The following RORA variants were observed in gnomAD, a reference collection of about 807,000 sequenced individuals.
RORA encodes the protein RAR related orphan receptor A.
A neutral mutation model predicts 69.5 loss-of-function variants in RORA; 7 were observed. That is an observed-to-expected ratio of 0.10 (90% CI 0.06 to 0.19). The LOEUF (loss-of-function observed/expected upper bound fraction) is 0.19. RORA is among the 10% of genes least tolerant of loss of function. The probability of loss-of-function intolerance (pLI) is 1.00; values close to 1 mark genes in which losing one functional copy is unlikely to be tolerated. For missense variants in RORA, 457 were observed against 663.0 expected, an observed-to-expected ratio of 0.69 and a Z score of 3.41; for synonymous variants, 261 against 240.8, an observed-to-expected ratio of 1.08 and a Z score of -0.78.
chr15:60,580,510 C>T (rs2068161137), intron 2 of RORA, among the ~76,000 whole-genome samples: 3 of 152,134 alleles, frequency 2.0e-5, no homozygotes, highest in Admixed American at 2.0e-4. Flanking sequence ...TAGAGTTGCC[C>T]ACACTGGTAT....
At chr15:61,067,715 C>G (rs2078283995) in intron 1 of RORA, among the ~76,000 whole-genome samples, 1 of 152,190 alleles carries the variant, frequency 6.6e-6, no homozygotes, top group Admixed American at 6.5e-5. Context: ...CATGCTGTCA[C>G]CCTCAAAATA....
At chr15:60,554,092 C>A (rs543906056) in intron 2 of RORA, among the ~76,000 whole-genome samples, 2 of 152,152 alleles carry the variant, frequency 1.3e-5, no homozygotes, top group African/African-American at 4.8e-5. Context: ...GTTTTTTCCT[C>A]TCTAACACTG....
At chr15:60,782,482 T>C (rs1386571211) in intron 1 of RORA, among the ~76,000 whole-genome samples, 1 of 152,156 alleles carries the variant, frequency 6.6e-6, no homozygotes, top group Non-Finnish European at 1.5e-5. Flanking sequence ...CCTTTCACGA[T>C]CTTTATTTTG....
At position 61,104,872 on chromosome 15, in the gene RORA, G is replaced by C. The variant is rs530358374; in HGVS notation, c.166+124181C>G. On this transcript the variant is annotated intron_variant, in intron 1 of 10. Coordinates refer to ENST00000335670, the MANE Select transcript of RORA (RefSeq NM_134261.3). ...GGGAGGTAATTGAATCATGGAGGCA[G>C]TTTCCCCCATACTGAACCATCTGAT... Among the ~76,000 whole-genome samples the C allele has an allele frequency of 3.3e-5, 5 of 152,238 alleles. No homozygotes were observed. In the East Asian group the frequency reaches 9.7e-4, roughly 29 times the overall value.
At chr15:60,714,146 C>G (rs984647682) in intron 1 of RORA, among the ~76,000 whole-genome samples, 2 of 151,902 alleles carry the variant, frequency 1.3e-5, no homozygotes, top group African/African-American at 4.8e-5. Flanking sequence ...CTCCGCCTCC[C>G]GGATTCAAGC....
chr15:61,174,786 T>A (rs2079613593), intron 1 of RORA, among the ~76,000 whole-genome samples: 1 of 152,098 alleles, frequency 6.6e-6, no homozygotes, highest in Admixed American at 6.5e-5. Context: ...CCAGCTAATG[T>A]TTATTGCATA....
intron 2 of RORA, among the ~76,000 whole-genome samples, chr15:60,664,292 G>A (rs751406127): frequency 6.6e-6 from 1 of 152,184 alleles, no homozygotes. Flanking sequence ...GAGGATGTGT[G>A]TGTGATAGTA....
At chr15:61,125,889 A>G (rs895345859) in intron 1 of RORA, among the ~76,000 whole-genome samples, 1 of 152,242 alleles carries the variant, frequency 6.6e-6, no homozygotes, top group Non-Finnish European at 1.5e-5. Flanking sequence ...ATTTCCTGTG[A>G]GCAGGATTGT....
At chr15:61,138,113 TG>T (rs1473260430) in intron 1 of RORA, among the ~76,000 whole-genome samples, 1 of 152,196 alleles carries the variant, frequency 6.6e-6, no homozygotes, top group East Asian at 1.9e-4. Context: ...TTCATTTTTA[TG>T]GTAAAAAACA....
chr15:60,725,969 T>C (rs1399627295), intron 1 of RORA, among the ~76,000 whole-genome samples: 1 of 152,100 alleles, frequency 6.6e-6, no homozygotes, highest in African/African-American at 2.4e-5. Flanking sequence ...GTAGTGGTGG[T>C]GGTTTGGGGG....
At chr15:60,561,096 T>G (rs1331076504) in intron 2 of RORA, among the ~76,000 whole-genome samples, 2 of 142,562 alleles carry the variant, frequency 1.4e-5, no homozygotes, top group African/African-American at 5.6e-5. Context: ...TTTTTTTTGT[T>G]TTTGAGACGG....
intron 1 of RORA, among the ~76,000 whole-genome samples, chr15:60,822,969 T>C (rs536544965): frequency 6.6e-6 from 1 of 151,894 alleles, no homozygotes; most frequent in South Asian, 2.1e-4. Flanking sequence ...TCTTTCTTTC[T>C]TTCCCATCTT....
intron 1 of RORA, among the ~76,000 whole-genome samples, chr15:61,033,901 CAA>C (rs35596498): frequency 2.4e-4 from 36 of 150,794 alleles, no homozygotes; most frequent in African/African-American, 7.5e-4. Context: ...GACCATGTCT[CAA>C]AAAAAAAAAT....
chr15:60,856,690 A>T (rs1366283502), intron 1 of RORA, among the ~76,000 whole-genome samples: 1 of 152,224 alleles, frequency 6.6e-6, no homozygotes, highest in Non-Finnish European at 1.5e-5. Flanking sequence ...TGGCAACTGC[A>T]TGTTTAATTC....
In RORA at chr15:60,946,414, C is replaced by T. The variant is rs546633158; in HGVS notation, c.167-267728G>A. 1.3e-3 allele frequency among the ~76,000 whole-genome samples: 194 copies of T among 152,318 alleles called. 1 individual carries two copies. The highest frequency in any genetic ancestry group is 2.4e-3 in the Non-Finnish European group (161 of 68,038). ...TGCCGAGTGCCTGCGATTGCAGGCG[C>T]GCGCCGCCACGCCTGACTGGTTTTC... On this transcript the variant is annotated intron_variant, in intron 1 of 10. Coordinates refer to ENST00000335670, the MANE Select transcript of RORA (RefSeq NM_134261.3).
intron 1 of RORA, among the ~76,000 whole-genome samples, chr15:60,935,667 C>T (rs1892499216): frequency 6.6e-6 from 1 of 152,192 alleles, no homozygotes; most frequent in Non-Finnish European, 1.5e-5. Context: ...GCTTAACCGG[C>T]CTTGAGGCCC....
intron 1 of RORA, among the ~76,000 whole-genome samples, chr15:61,197,707 C>T (rs2079857985): frequency 1.3e-5 from 2 of 152,186 alleles, no homozygotes; most frequent in African/African-American, 4.8e-5. Flanking sequence ...AATCCTCCTA[C>T]CTCCTACCCA....
chr15:60,759,571 G>T (rs144029573), intron 1 of RORA, among the ~76,000 whole-genome samples: 3 of 152,104 alleles, frequency 2.0e-5, no homozygotes, highest in Non-Finnish European at 4.4e-5. Context: ...CACATTTTGC[G>T]TGCAACCACA....
At chr15:61,075,096 A>AC (rs1443783877) in intron 1 of RORA, among the ~76,000 whole-genome samples, 1 of 152,048 alleles carries the variant, frequency 6.6e-6, no homozygotes, top group Non-Finnish European at 1.5e-5. Flanking sequence ...CAAAAAAAAA[A>AC]AAAAAAGTTT....
Sources: allele counts gnomAD v4.1 joint callset (sites outside exome capture counted in the v4.1 genomes callset), GRCh38; gene constraint gnomAD v4.1.1; transcripts MANE v1.5; gene names NCBI Gene and HGNC (gene_info 2026-07-23, HGNC 2026-07-21).